The following ATP10D variants were observed in gnomAD, a reference collection of about 807,000 sequenced individuals.
ATP10D encodes ATPase phospholipid transporting 10D (putative), also known as phospholipid-transporting ATPase VD.
A neutral mutation model predicts 144.8 loss-of-function variants in ATP10D; 89 were observed. The ratio of observed to expected loss-of-function variants is 0.61; its 90% confidence interval spans 0.52 to 0.73. ATP10D has a LOEUF of 0.73. Among genes scored for constraint, ATP10D ranks in the 30% least tolerant of loss-of-function variants. ATP10D has a pLI of 0.00. For missense variants in ATP10D, 1,603 were observed against 1,714.8 expected, an observed-to-expected ratio of 0.93 and a Z score of 1.15; for synonymous variants, 571 against 615.1, an observed-to-expected ratio of 0.93 and a Z score of 1.06.
At chr4:47,515,896 C>T (rs1716653117) in intron 3 of ATP10D, among the ~76,000 whole-genome samples, 1 of 152,126 alleles carries the variant, frequency 6.6e-6, no homozygotes, top group South Asian at 2.1e-4. Flanking sequence ...GCCGACAAAG[C>T]AAAAGCTTCT....
intron 3 of ATP10D, among the ~76,000 whole-genome samples, chr4:47,519,588 GC>G (rs1716845036): frequency 6.6e-6 from 1 of 152,236 alleles, no homozygotes; most frequent in Non-Finnish European, 1.5e-5. Context: ...GTGGCTGTGA[GC>G]ATTGTGGTTT....
chr4:47,542,776 G>T (rs895876363), intron 9 of ATP10D, among the ~76,000 whole-genome samples: 1 of 152,194 alleles, frequency 6.6e-6, no homozygotes, highest in African/African-American at 2.4e-5. Flanking sequence ...ACCGGGCCTG[G>T]CCTATTTCCT....
At chr4:47,543,418 G>A (rs1461056247) in intron 9 of ATP10D, among the ~76,000 whole-genome samples, 1 of 152,184 alleles carries the variant, frequency 6.6e-6, no homozygotes, top group Non-Finnish European at 1.5e-5. Context: ...ATTTGGGCTA[G>A]ATTAATCTTT....
intron 5 of ATP10D, among the ~76,000 whole-genome samples, chr4:47,530,287 T>C (rs1285936852): frequency 6.6e-6 from 1 of 152,158 alleles, no homozygotes. Context: ...TGGCTGTGAA[T>C]TTGTCATACA....
At chr4:47,515,398 A>C in intron 2 of ATP10D, 78 bp from the exon 3 acceptor site, 1 of 1,165,266 alleles carries the variant, frequency 8.6e-7, no homozygotes, top group Non-Finnish European at 1.2e-6. Flanking sequence ...CTTACAGAAA[A>C]ACAATATAGT....
chr4:47,542,093 T>C (rs1200470231), intron 9 of ATP10D, among the ~76,000 whole-genome samples: 1 of 134,266 alleles, frequency 7.4e-6, no homozygotes, highest in Non-Finnish European at 1.6e-5. Flanking sequence ...AAACCTTTGT[T>C]TCTCATACAA....
At chr4:47,487,866 G>A (rs1303283404) in intron 1 of ATP10D, among the ~76,000 whole-genome samples, 1 of 152,118 alleles carries the variant, frequency 6.6e-6, no homozygotes, top group African/African-American at 2.4e-5. Flanking sequence ...TGTTGGGCCA[G>A]GCACAGTGGC....
intron 17 of ATP10D, 117 bp from the exon 18 acceptor site, chr4:47,572,755 C>G: frequency 7.5e-7 from 1 of 1,327,094 alleles, no homozygotes; most frequent in East Asian, 2.4e-5. Flanking sequence ...ATGTATGGAA[C>G]AAATGCGGTC....
At chr4:47,523,948 A>C (rs1300817632) in intron 4 of ATP10D, among the ~76,000 whole-genome samples, 2 of 152,180 alleles carry the variant, frequency 1.3e-5, no homozygotes, top group Non-Finnish European at 2.9e-5. Flanking sequence ...TTGTTTTGAG[A>C]CAGAGTCTCG....
At chr4:47,545,077 G>C (rs1232185517) in intron 9 of ATP10D, among the ~76,000 whole-genome samples, 1 of 152,186 alleles carries the variant, frequency 6.6e-6, no homozygotes, top group Non-Finnish European at 1.5e-5. Context: ...GTCAGGCAAG[G>C]CCTCTCTAAG....
intron 5 of ATP10D, among the ~76,000 whole-genome samples, chr4:47,530,720 T>G (rs1169123580): frequency 6.6e-6 from 1 of 152,212 alleles, no homozygotes; most frequent in Non-Finnish European, 1.5e-5. Flanking sequence ...CCTCCCAAAG[T>G]GCTGGTATTA....
At chr4:47,507,557 T>C (rs1421359213) in intron 1 of ATP10D, among the ~76,000 whole-genome samples, 1 of 152,236 alleles carries the variant, frequency 6.6e-6, no homozygotes, top group Non-Finnish European at 1.5e-5. Flanking sequence ...CTTACACTCC[T>C]ACTTCTAATG....
At chr4:47,562,952 G>A (rs939507155) in intron 14 of ATP10D, among the ~76,000 whole-genome samples, 13 of 152,138 alleles carry the variant, frequency 8.5e-5, no homozygotes, top group African/African-American at 2.9e-4. Flanking sequence ...ATTATCTTAA[G>A]TGAAATAACC....
chr4:47,574,581 T>C (rs1334680096), intron 18 of ATP10D, among the ~76,000 whole-genome samples: 4 of 152,138 alleles, frequency 2.6e-5, no homozygotes, highest in Non-Finnish European at 5.9e-5. Context: ...TGTCCATAGA[T>C]GCTAGACTAA....
chr4:47,574,604 T>C (rs1720127522), intron 18 of ATP10D, among the ~76,000 whole-genome samples: 1 of 152,166 alleles, frequency 6.6e-6, no homozygotes, highest in African/African-American at 2.4e-5. Flanking sequence ...AAATCTATTC[T>C]GGCCAGGTGC....
rs761032355 is a variant in ATP10D at position 47,591,130 on chromosome 4, ACTAAAGC to A, written c.4031_4037del (p.Thr1344IlefsTer11). The A allele has an allele frequency of 1.9e-6, 3 of 1,613,496 alleles. No homozygotes were observed. On this transcript the variant is annotated frameshift_variant, in exon 23 of 23. Transcript: ENST00000273859. LOFTEE classifies it low-confidence loss of function (END_TRUNC). ...TGACAGACTAACTCCAGAGGAGAGG[ACTAAAGC>A]TCTCAAGAAGTGGAGAGGGGCTGGA...
chr4:47,521,987 T>C (rs1293803713), intron 3 of ATP10D, among the ~76,000 whole-genome samples: 1 of 152,216 alleles, frequency 6.6e-6, no homozygotes, highest in Non-Finnish European at 1.5e-5. Context: ...AAAGTATTTG[T>C]GTAAGGTGTG....
At chr4:47,524,446 A>G (rs1270949966) in intron 4 of ATP10D, among the ~76,000 whole-genome samples, 2 of 152,158 alleles carry the variant, frequency 1.3e-5, no homozygotes, top group African/African-American at 4.8e-5. Flanking sequence ...GTCTGGTACC[A>G]AAGACATTGG....
At chr4:47,510,733 A>T (rs1424940273) in intron 1 of ATP10D, among the ~76,000 whole-genome samples, 1 of 152,192 alleles carries the variant, frequency 6.6e-6, no homozygotes, top group African/African-American at 2.4e-5. Flanking sequence ...ACTCTCAAGA[A>T]ATTGTATTTC....
Sources: gnomAD v4.1 joint callset for allele counts (sites outside exome capture counted in the v4.1 genomes callset) on GRCh38, gnomAD v4.1.1 for gene constraint, MANE v1.5 for transcripts, NCBI Gene and HGNC (gene_info 2026-07-23, HGNC 2026-07-21) for gene names.